The following RORA variants were observed in gnomAD, a reference collection of about 807,000 sequenced individuals.
RORA encodes nuclear receptor ROR-alpha.
RORA carries 7 observed loss-of-function variants against 69.5 expected under a neutral mutation model. The ratio of observed to expected loss-of-function variants is 0.10; its 90% CI spans 0.06 to 0.19. The LOEUF (loss-of-function observed/expected upper bound fraction) is 0.19. Among genes scored for constraint, RORA ranks in the 10% least tolerant of loss-of-function variants. The probability of loss-of-function intolerance (pLI) is 1.00; values close to 1 mark genes in which losing one functional copy is unlikely to be tolerated. For synonymous variants in RORA, 261 were observed against 240.8 expected (o/e 1.08, Z -0.78); for missense variants, 457 against 663.0 (o/e 0.69, Z 3.41).
chr15:60,939,191 C>T (rs542067988), intron 1 of RORA, among the ~76,000 whole-genome samples: 7 of 152,316 alleles, frequency 4.6e-5, no homozygotes, highest in African/African-American at 1.2e-4. Flanking sequence ...CATTCACTCA[C>T]TCATTCATTC....
intron 1 of RORA, among the ~76,000 whole-genome samples, chr15:60,867,505 G>A (rs1039897872): frequency 1.3e-5 from 2 of 152,218 alleles, no homozygotes; most frequent in African/African-American, 4.8e-5. Flanking sequence ...GAAGTACTGA[G>A]AGCAGTAGCA....
chr15:61,044,884 G>C (rs996573451), intron 1 of RORA, among the ~76,000 whole-genome samples: 11 of 152,178 alleles, frequency 7.2e-5, no homozygotes, highest in African/African-American at 2.4e-4. Flanking sequence ...GCACTGCCCT[G>C]GGGTCTAAAA....
At chr15:61,076,927 T>C (rs1476488814) in intron 1 of RORA, among the ~76,000 whole-genome samples, 1 of 144,202 alleles carries the variant, frequency 6.9e-6, no homozygotes, top group Non-Finnish European at 1.6e-5. Flanking sequence ...CTCCCTTGCT[T>C]GTTCAAAGTA....
chr15:61,019,112 G>A (rs1895410968), intron 1 of RORA, among the ~76,000 whole-genome samples: 2 of 152,152 alleles, frequency 1.3e-5, no homozygotes, highest in African/African-American at 4.8e-5. Flanking sequence ...TAATACAAAA[G>A]GACCCAGTTG....
intron 1 of RORA, among the ~76,000 whole-genome samples, chr15:61,227,590 AC>A (rs2080159231): frequency 6.6e-6 from 1 of 151,738 alleles, no homozygotes; most frequent in Admixed American, 6.6e-5. Flanking sequence ...GGGGGGGGAT[AC>A]TGTAAAACAG....
chr15:61,000,525 A>G (rs1595870302), intron 1 of RORA, among the ~76,000 whole-genome samples: 1 of 152,148 alleles, frequency 6.6e-6, no homozygotes, highest in African/African-American at 2.4e-5. Context: ...TGCCTGGGAG[A>G]GCAGGGAGAG....
At chr15:60,948,562 T>C (rs906622556) in intron 1 of RORA, among the ~76,000 whole-genome samples, 9 of 152,222 alleles carry the variant, frequency 5.9e-5, no homozygotes, top group African/African-American at 1.7e-4. Context: ...TGCCAGACTT[T>C]TTTACATGAG....
At chr15:61,158,728 G>A (rs527248618) in intron 1 of RORA, among the ~76,000 whole-genome samples, 107 of 152,300 alleles carry the variant, frequency 7.0e-4, no homozygotes, top group Middle Eastern at 6.8e-3. Context: ...TGTTGCGGGA[G>A]CTGTCGTGTC....
chr15:60,909,790 G>A (rs1013105044), intron 1 of RORA, among the ~76,000 whole-genome samples: 5 of 152,242 alleles, frequency 3.3e-5, no homozygotes, highest in African/African-American at 4.8e-5. Context: ...GTGGCCTCAA[G>A]TGGGACTGGA....
chr15:61,066,604 T>G (rs1029063946), intron 1 of RORA, among the ~76,000 whole-genome samples: 1 of 151,854 alleles, frequency 6.6e-6, no homozygotes, highest in Admixed American at 6.6e-5. Flanking sequence ...TTTTTTTGTA[T>G]TTTTGTGGAG....
At chr15:61,102,408 G>A (rs2078892667) in intron 1 of RORA, among the ~76,000 whole-genome samples, 1 of 152,210 alleles carries the variant, frequency 6.6e-6, no homozygotes, top group Admixed American at 6.5e-5. Flanking sequence ...TTCCCATTGT[G>A]AGTTCTGGCC....
intron 1 of RORA, among the ~76,000 whole-genome samples, chr15:60,693,529 C>T (rs1201253755): frequency 1.3e-5 from 2 of 152,084 alleles, no homozygotes; most frequent in African/African-American, 4.8e-5. Context: ...ATGACATGAT[C>T]CTATATCTAG....
chr15:60,571,232 A>G (rs1399812430), intron 2 of RORA, among the ~76,000 whole-genome samples: 1 of 152,018 alleles, frequency 6.6e-6, no homozygotes, highest in Non-Finnish European at 1.5e-5. Context: ...CATTTTCACA[A>G]TACTCAGCAT....
At chr15:60,735,820 A>T (rs1258587886) in intron 1 of RORA, among the ~76,000 whole-genome samples, 1 of 152,168 alleles carries the variant, frequency 6.6e-6, no homozygotes, top group African/African-American at 2.4e-5. Flanking sequence ...TCAATCCCTC[A>T]CTTCCATTTG....
rs984652148 is a variant in RORA at position 60,703,858 on chromosome 15, T to C, written c.167-25172A>G. 9.3e-5 allele frequency among the ~76,000 whole-genome samples: 14 copies of C among 150,750 alleles called. 1 individual carries two copies. Among genetic ancestry groups the C allele is most frequent in the Admixed American group, 7.3e-4 (11 of 15,130 alleles). ...TGGGATTTAAGAAATATTTGAGCAC[T>C]TGAAAGGAAGAAAGAAAAAAAAAAA... On this transcript the variant is annotated intron_variant, in intron 1 of 10. Transcript: ENST00000335670.
chr15:60,794,890 A>G (rs563906993), intron 1 of RORA, among the ~76,000 whole-genome samples: 32 of 152,146 alleles, frequency 2.1e-4, no homozygotes, highest in Admixed American at 3.9e-4. Flanking sequence ...CTGCCTGTCC[A>G]CTTTCTGTCC....
At chr15:60,912,550 C>G (rs560434569) in intron 1 of RORA, among the ~76,000 whole-genome samples, 2 of 152,044 alleles carry the variant, frequency 1.3e-5, no homozygotes, top group South Asian at 4.1e-4. Context: ...ATCAGGAGAT[C>G]GACACCATCT....
intron 2 of RORA, among the ~76,000 whole-genome samples, chr15:60,600,568 G>A (rs544637714): frequency 3.3e-5 from 5 of 152,082 alleles, no homozygotes; most frequent in African/African-American, 9.7e-5. Flanking sequence ...TGTTGTGAGC[G>A]CTAAAACAAG....
intron 1 of RORA, among the ~76,000 whole-genome samples, chr15:61,133,421 C>T (rs1401662654): frequency 6.6e-6 from 1 of 152,096 alleles, no homozygotes; most frequent in Non-Finnish European, 1.5e-5. Flanking sequence ...ACATAACCAC[C>T]TTATGAAAAC....
Sources: allele counts gnomAD v4.1 joint callset (sites outside exome capture counted in the v4.1 genomes callset), GRCh38; gene constraint gnomAD v4.1.1; transcripts MANE v1.5; gene names NCBI Gene and HGNC (gene_info 2026-07-23, HGNC 2026-07-21).